ITPR2: variants seen among roughly 807,000 people sequenced by gnomAD.
ITPR2 encodes the protein inositol 1,4,5-trisphosphate-gated calcium channel ITPR2.
In ITPR2, 207 loss-of-function variants were observed where a neutral mutation model predicts 317.1. The observed-to-expected ratio is 0.65, with a 90% confidence interval of 0.58 to 0.73. The LOEUF (loss-of-function observed/expected upper bound fraction) is 0.73. ITPR2 is among the 30% of genes least tolerant of loss of function. ITPR2 has a pLI of 0.00. For synonymous variants in ITPR2, 1,156 were observed against 1,149.1 expected, an observed-to-expected ratio of 1.01 and a Z score of -0.12; for missense variants, 2,613 against 3,284.0, an observed-to-expected ratio of 0.80 and a Z score of 4.99.
At chr12:26,683,132 T>C (rs1409091870) in intron 11 of ITPR2, among the ~76,000 whole-genome samples, 1 of 152,246 alleles carries the variant, frequency 6.6e-6, no homozygotes, top group African/African-American at 2.4e-5. Context: ...AAAGTATTAA[T>C]GTACAATCAA....
rs11450670 is a variant in ITPR2, at chr12:26,361,210, C to CAAA, written c.7858-20885_7858-20883dup. 6.1e-3 allele frequency among the ~76,000 whole-genome samples: 883 copies of CAAA among 143,854 alleles called. 7 individuals carry two copies. The highest frequency in any genetic ancestry group is 0.02 in the African/African-American group (792 of 38,864). The allele number at this position is 143,854 out of a possible 152,430, so 94.4% of individuals were successfully genotyped here. On this transcript the variant is annotated intron_variant, in intron 55 of 56. Coordinates refer to ENST00000381340, the MANE Select transcript of ITPR2 (RefSeq NM_002223.4). ...AGCCTGGGCAACAAGAGCAAAACTC[C>CAAA]AAAAAAAAAAAAAATGTTACCAATA...
chr12:26,497,488 T>TCTACAAATATTCATTAGGTGC (rs1942965511), intron 37 of ITPR2, among the ~76,000 whole-genome samples: 1 of 148,144 alleles, frequency 6.8e-6, no homozygotes, highest in East Asian at 2.0e-4. Flanking sequence ...CCTATGATAT[T>TCTACAAATATTCATTAGGTGC]CAATTGTTTT....
chr12:26,552,912 CT>C (rs1411404612), intron 36 of ITPR2, among the ~76,000 whole-genome samples: 1 of 152,186 alleles, frequency 6.6e-6, no homozygotes, highest in Non-Finnish European at 1.5e-5. Context: ...TGAATGACCA[CT>C]TGCTACAGAT....
rs1946363374 is a variant in ITPR2, at chr12:26,615,942, A to T, written c.3462+5181T>A. Among the ~76,000 whole-genome samples the T allele has an allele frequency of 7.9e-5, 12 of 152,190 alleles. No homozygotes were observed. The South Asian group carries it at 2.5e-3, about 32-fold the overall frequency. ...TCTATTAAGAATCCTACACCCATTC[A>T]CATTCTTCTCAAGCCACAATGGACA... On this transcript the variant is annotated intron_variant, in intron 26 of 56. Coordinates refer to ENST00000381340, the MANE Select transcript of ITPR2 (RefSeq NM_002223.4).
rs12832680 is a variant in ITPR2 at position 26,599,964 on chromosome 12, C to T, written c.3801+23G>A. On this transcript the variant is annotated intron_variant, in intron 29 of 56. Transcript: ENST00000381340. ...TTTGATGCACACTTTACTAGAAATACTAGAAGCCACTAAAATACTTACACC... is the reference window on the plus strand; with the variant it reads ...TTTGATGCACACTTTACTAGAAATATTAGAAGCCACTAAAATACTTACACC... The T allele has an allele frequency of 0.41, 644,711 of 1,556,016 alleles. 139,208 individuals carry two copies. The highest frequency in any genetic ancestry group is 0.45 in the Middle Eastern group (2,500 of 5,548).
At chr12:26,546,453 T>C (rs1591883187) in intron 37 of ITPR2, among the ~76,000 whole-genome samples, 1 of 152,186 alleles carries the variant, frequency 6.6e-6, no homozygotes, top group African/African-American at 2.4e-5. Context: ...TATTTGTCTT[T>C]TTGTACCTGG....
chr12:26,457,073 C>T (rs530344746), intron 45 of ITPR2, among the ~76,000 whole-genome samples: 1 of 152,292 alleles, frequency 6.6e-6, no homozygotes, highest in East Asian at 1.9e-4. Flanking sequence ...AAAGCTCCTG[C>T]CCTCCTAGAG....
At chr12:26,811,555 C>T (rs1592152262) in intron 1 of ITPR2, among the ~76,000 whole-genome samples, 1 of 151,936 alleles carries the variant, frequency 6.6e-6, no homozygotes, top group Admixed American at 6.6e-5. Flanking sequence ...ACCACCCTGG[C>T]GGGCGCCTGT....
At chr12:26,385,775 C>G (rs1939647363) in intron 55 of ITPR2, among the ~76,000 whole-genome samples, 1 of 152,036 alleles carries the variant, frequency 6.6e-6, no homozygotes, top group African/African-American at 2.4e-5. Context: ...TACAGAAATC[C>G]TCCTCTCTCG....
chr12:26,682,054 A>C lies in ITPR2; in HGVS notation c.1249-20T>G. The stretch of plus-strand genomic sequence containing the variant: ...TCCAATCTGAAATGTTTTTCCATTA[A>C]GCTTAGTTTTATAAACAACTATACA... On this transcript the variant is annotated intron_variant, in intron 12 of 56. Coordinates refer to ENST00000381340, the MANE Select transcript of ITPR2 (RefSeq NM_002223.4). The C allele has an allele frequency of 6.2e-7, 1 of 1,603,054 alleles. No homozygotes were observed. Among genetic ancestry groups the C allele is most frequent in the Non-Finnish European group, 8.5e-7 (1 of 1,172,970 alleles).
At chr12:26,643,537 C>A (rs1323582588) in intron 21 of ITPR2, among the ~76,000 whole-genome samples, 1 of 152,108 alleles carries the variant, frequency 6.6e-6, no homozygotes. Context: ...TAAGAGTATT[C>A]TTAAAGACTT....
At chr12:26,443,443 C>A in intron 46 of ITPR2, 100 bp downstream of exon 46, 1 of 876,180 alleles carries the variant, frequency 1.1e-6, no homozygotes, top group Non-Finnish European at 1.8e-6. Flanking sequence ...CCACTCACTT[C>A]TGCATCATTG....
At chr12:26,531,102 A>G (rs1943931273) in intron 37 of ITPR2, among the ~76,000 whole-genome samples, 1 of 152,220 alleles carries the variant, frequency 6.6e-6, no homozygotes, top group Non-Finnish European at 1.5e-5. Context: ...GATAAAAGAT[A>G]GAGGTCTGGG....
At position 26,624,309 on chromosome 12, in the gene ITPR2, A is replaced by G; in HGVS notation, c.3112T>C (p.Phe1038Leu). The change falls in exon 24 of 57, where the codon TTT becomes CTT. Residue 1038 changes from phenylalanine to leucine, a missense_variant. By Grantham distance (22) the Phe-to-Leu change is conservative. Around this residue, in one of 9 missense-constraint regions of ITPR2, gnomAD observed 817 missense variants for 897.6 expected, o/e 0.91. Coordinates refer to ENST00000381340, the MANE Select transcript of ITPR2 (RefSeq NM_002223.4). ...TAAATGTTACTATACCTTCCCGCAA[A>G]CATAGTTTCTGCCTGAGCTGCAATT... ...DEIAAQAETMFAGRKEKNPVQ... is the reference protein window; with the variant it reads ...DEIAAQAETMLAGRKEKNPVQ... 1 of 1,605,322 alleles carries G rather than the reference A, an allele frequency of 6.2e-7. No homozygotes were observed. The highest frequency in any genetic ancestry group is 8.5e-7 in the Non-Finnish European group (1 of 1,173,874).
rs750646306 is a variant in ITPR2 at position 26,806,385 on chromosome 12, T to C, written c.93-16158A>G. 2.0e-5 allele frequency among the ~76,000 whole-genome samples: 3 copies of C among 151,646 alleles called. 1 individual carries two copies. In the South Asian group the frequency reaches 6.3e-4, roughly 32 times the overall value. On this transcript the variant is annotated intron_variant, in intron 1 of 56. Coordinates refer to ENST00000381340, the MANE Select transcript of ITPR2 (RefSeq NM_002223.4). ...ATTTTTAATAGGAAAAAATAAGACATAGAAAAAGCCTTGAAAAAAAAACAA... is the reference window on the plus strand; with the variant it reads ...ATTTTTAATAGGAAAAAATAAGACACAGAAAAAGCCTTGAAAAAAAAACAA...
At chr12:26,480,421 A>G (rs1942520440) in intron 43 of ITPR2, among the ~76,000 whole-genome samples, 1 of 152,208 alleles carries the variant, frequency 6.6e-6, no homozygotes, top group Non-Finnish European at 1.5e-5. Flanking sequence ...AGAGAACCAT[A>G]AAAATAAAAT....
In ITPR2 at chr12:26,621,238, A is replaced by G; in HGVS notation, c.3347T>C (p.Leu1116Pro). The part of the protein sequence containing the change: ...VDNYKQIKAD[L>P]DQLRLTVEKS... Reference sequence around the variant, plus strand: ...TTCTACTGTCAGTCGAAGCTGGTCTAGATCTGCCTTGATTTGCTTGTAGTT... The same window carrying G: ...TTCTACTGTCAGTCGAAGCTGGTCTGGATCTGCCTTGATTTGCTTGTAGTT... Residue 1116 changes from leucine (L) to proline (P), a missense_variant, in exon 26 of 57, where the codon CTA becomes CCA. Around this residue, in one of 9 missense-constraint regions of ITPR2, gnomAD observed 817 missense variants for 897.6 expected, o/e 0.91. Coordinates refer to ENST00000381340, the MANE Select transcript of ITPR2 (RefSeq NM_002223.4). 6.2e-7 allele frequency: 1 copy of G among 1,613,818 alleles called. No individual in the cohort carries two copies. The highest frequency in any genetic ancestry group is 8.5e-7 in the Non-Finnish European group (1 of 1,179,748).
intron 22 of ITPR2, among the ~76,000 whole-genome samples, chr12:26,629,514 A>G (rs1410952312): frequency 6.6e-6 from 1 of 151,412 alleles, no homozygotes; most frequent in Non-Finnish European, 1.5e-5. Flanking sequence ...TGAACCCACG[A>G]CCTCAAGGCT....
At chr12:26,526,501 G>A (rs1943812446) in intron 37 of ITPR2, among the ~76,000 whole-genome samples, 1 of 152,178 alleles carries the variant, frequency 6.6e-6, no homozygotes. Context: ...CCCAAGTTGT[G>A]TTGTGCAGGG....
Sources: gnomAD v4.1 joint callset for allele counts (sites outside exome capture counted in the v4.1 genomes callset) on GRCh38, gnomAD v4.1.1 for gene constraint, gnomAD v4.1.1 regional missense constraint, MANE v1.5 for transcripts, NCBI Gene and HGNC (gene_info 2026-07-23, HGNC 2026-07-21) for gene names.